The following CADM2 variants were observed in gnomAD, a reference collection of about 807,000 sequenced individuals.
CADM2 encodes immunoglobulin superfamily member 4D.
A neutral mutation model predicts 49.8 loss-of-function variants in CADM2; 12 were observed. That is an observed-to-expected ratio of 0.24 (90% CI 0.15 to 0.39). The LOEUF (loss-of-function observed/expected upper bound fraction) is 0.39. CADM2 is among the 10% of genes least tolerant of loss of function. The probability of loss-of-function intolerance (pLI) is 1.00; values close to 1 mark genes in which losing one functional copy is unlikely to be tolerated. For missense variants in CADM2, 378 were observed against 492.3 expected (o/e 0.77, Z 2.20); for synonymous variants, 214 against 175.4 (o/e 1.22, Z -1.74).
intron 1 of CADM2, among the ~76,000 whole-genome samples, chr3:85,039,496 G>C (rs2035355425): frequency 6.6e-6 from 1 of 151,760 alleles, no homozygotes; most frequent in African/African-American, 2.4e-5. Context: ...AATAATTCAA[G>C]TATTGCATAC....
At chr3:86,014,832 C>A (rs1732006993) in intron 8 of CADM2, 2 of 1,508,102 alleles carry the variant, frequency 1.3e-6, no homozygotes, top group African/African-American at 1.4e-5. Flanking sequence ...CTATGAAGCC[C>A]TCCACCTGCC....
chr3:85,077,671 T>G (rs2037000158), intron 1 of CADM2, among the ~76,000 whole-genome samples: 1 of 152,112 alleles, frequency 6.6e-6, no homozygotes, highest in Non-Finnish European at 1.5e-5. Context: ...TGCATGTTTT[T>G]ACATTAAACA....
chr3:85,909,752 C>G (rs1717310091), intron 5 of CADM2, among the ~76,000 whole-genome samples: 1 of 152,166 alleles, frequency 6.6e-6, no homozygotes, highest in South Asian at 2.1e-4. Flanking sequence ...AAGAAGGATA[C>G]ACGTGGTATC....
rs79068014 is a variant in CADM2 at position 86,042,789 on chromosome 3, T to C, written c.971-22816T>C. Among the ~76,000 whole-genome samples the C allele has an allele frequency of 3.7e-3, 559 of 152,278 alleles. 24 individuals carry two copies. In the East Asian group the frequency reaches 0.089, roughly 24 times the overall value. On this transcript the variant is annotated intron_variant, in intron 8 of 9. Transcript: ENST00000383699. The stretch of plus-strand genomic sequence containing the variant: ...AAGACACAACAAAAAATGACTATTT[T>C]AGACCAATATCCCTGATAACCATCA...
intron 1 of CADM2, among the ~76,000 whole-genome samples, chr3:85,683,624 T>C (rs1232869022): frequency 6.6e-6 from 1 of 152,206 alleles, no homozygotes; most frequent in Admixed American, 6.5e-5. Context: ...TCAAGTTCTT[T>C]TTGCTGAATA....
chr3:85,402,231 C>T (rs1232230903), intron 1 of CADM2, among the ~76,000 whole-genome samples: 1 of 151,756 alleles, frequency 6.6e-6, no homozygotes, highest in East Asian at 1.9e-4. Flanking sequence ...AAGACCTTAA[C>T]AAAAACAAAG....
At chr3:85,256,419 C>G (rs2042887010) in intron 1 of CADM2, among the ~76,000 whole-genome samples, 1 of 152,098 alleles carries the variant, frequency 6.6e-6, no homozygotes, top group Non-Finnish European at 1.5e-5. Flanking sequence ...GCATATGAAT[C>G]TGCCGGAGGA....
rs1404793184 is a variant in CADM2, at chr3:86,069,322, T to C, written c.*2539T>C. ...CTCATTAGAACTCTTATAAAACCAGTTAGCTAAAACAACTAGATTATTATA... is the reference window on the plus strand; with the variant it reads ...CTCATTAGAACTCTTATAAAACCAGCTAGCTAAAACAACTAGATTATTATA... On this transcript the variant is annotated 3_prime_UTR_variant, in exon 10 of 10. Coordinates refer to ENST00000383699, the MANE Select transcript of CADM2 (RefSeq NM_001167675.2). 1 of 151,944 alleles carries C rather than the reference T, an allele frequency of 6.6e-6. No individual in the cohort carries two copies. The allele number at this position is 151,944 out of a possible 1,614,324, so 9.4% of individuals were successfully genotyped here.
intron 1 of CADM2, among the ~76,000 whole-genome samples, chr3:85,556,581 T>G (rs2061965430): frequency 6.6e-6 from 1 of 152,200 alleles, no homozygotes; most frequent in South Asian, 2.1e-4. Context: ...GCAGTCGTTA[T>G]TTAAACCTTG....
At chr3:85,155,399 C>T (rs1414206823) in intron 1 of CADM2, among the ~76,000 whole-genome samples, 2 of 151,598 alleles carry the variant, frequency 1.3e-5, no homozygotes, top group Non-Finnish European at 2.9e-5. Context: ...ACTATCCTAA[C>T]TATATATGCA....
chr3:85,591,607 G>A (rs1262433206), intron 1 of CADM2, among the ~76,000 whole-genome samples: 2 of 151,948 alleles, frequency 1.3e-5, no homozygotes, highest in African/African-American at 4.8e-5. Flanking sequence ...AAGAGCAGAT[G>A]GTTGGGATTA....
intron 1 of CADM2, among the ~76,000 whole-genome samples, chr3:85,301,517 T>C (rs1407267898): frequency 6.6e-6 from 1 of 151,980 alleles, no homozygotes; most frequent in Non-Finnish European, 1.5e-5. Flanking sequence ...TCACCAAAAG[T>C]GTGCAAGAAA....
At chr3:85,195,542 GACACACACAC>G (rs71108270) in intron 1 of CADM2, among the ~76,000 whole-genome samples, 1 of 146,872 alleles carries the variant, frequency 6.8e-6, no homozygotes, top group Non-Finnish European at 1.5e-5. Context: ...AAACCAGCAA[GACACACACAC>G]ACACACACAC....
chr3:85,594,211 A>G (rs893717030), intron 1 of CADM2, among the ~76,000 whole-genome samples: 2 of 151,916 alleles, frequency 1.3e-5, no homozygotes, highest in African/African-American at 4.8e-5. Flanking sequence ...TAACAAATGG[A>G]CAGATTCTTA....
chr3:85,297,810 C>T (rs915062371), intron 1 of CADM2, among the ~76,000 whole-genome samples: 2 of 152,056 alleles, frequency 1.3e-5, no homozygotes, highest in East Asian at 1.9e-4. Context: ...TAATTTTGAA[C>T]GATTTTTCCC....
intron 1 of CADM2, among the ~76,000 whole-genome samples, chr3:85,499,968 TG>T (rs2040048815): frequency 2.0e-5 from 3 of 152,194 alleles, no homozygotes; most frequent in African/African-American, 7.2e-5. Context: ...AGTAGAGTGC[TG>T]CTTAGTTCTA....
chr3:85,175,165 C>T (rs1275621575), intron 1 of CADM2, among the ~76,000 whole-genome samples: 1 of 152,142 alleles, frequency 6.6e-6, no homozygotes, highest in Middle Eastern at 3.4e-3. Context: ...TGTAAGGATG[C>T]AGAGATACTG....
At chr3:85,837,384 AC>A (rs1213898867) in intron 3 of CADM2, among the ~76,000 whole-genome samples, 2 of 151,570 alleles carry the variant, frequency 1.3e-5, no homozygotes, top group East Asian at 1.9e-4. Flanking sequence ...AATATAAAAA[AC>A]ATTCTCCTTT....
intron 1 of CADM2, among the ~76,000 whole-genome samples, chr3:85,395,296 C>CAAA (rs58315220): frequency 1.3e-4 from 10 of 75,540 alleles, no homozygotes; most frequent in Middle Eastern, 8.9e-3. Flanking sequence ...AGACTCCATA[C>CAAA]AAAAAAAAAA....
Sources: gnomAD v4.1 joint callset for allele counts (sites outside exome capture counted in the v4.1 genomes callset) on GRCh38, gnomAD v4.1.1 for gene constraint, MANE v1.5 for transcripts, NCBI Gene and HGNC (gene_info 2026-07-23, HGNC 2026-07-21) for gene names.